The following SH2B2 variants were observed in gnomAD, a reference collection of about 807,000 sequenced individuals.
The protein encoded by SH2B2 is SH2B adapter protein 2.
In SH2B2, 37 loss-of-function variants were observed where a neutral mutation model predicts 35.7. The observed-to-expected ratio is 1.04, with a 90% CI of 0.80 to 1.36. The LOEUF is 1.36. SH2B2 is among the 40% of genes most tolerant of loss of function. The probability of loss-of-function intolerance (pLI) is 0.00; values close to 1 mark genes in which losing one functional copy is unlikely to be tolerated. For synonymous variants in SH2B2, 383 were observed against 376.4 expected, an observed-to-expected ratio of 1.02 and a Z score of -0.20; for missense variants, 852 against 817.7, an observed-to-expected ratio of 1.04 and a Z score of -0.51.
At position 102,317,178 on chromosome 7, in the gene SH2B2, C is replaced by G; in HGVS notation, c.1187-9C>G. The G allele has an allele frequency of 6.3e-7, 1 of 1,579,430 alleles. No homozygotes were observed. Among genetic ancestry groups the G allele is most frequent in the Non-Finnish European group, 8.6e-7 (1 of 1,159,456 alleles). ...CCCCATGTTCCTCACACTGTCATCCCCACCTCAGGGGAACAGGGTGCAGAG... is the reference window on the plus strand; with the variant it reads ...CCCCATGTTCCTCACACTGTCATCCGCACCTCAGGGGAACAGGGTGCAGAG... On this transcript the variant is annotated splice_polypyrimidine_tract_variant and intron_variant, in intron 6 of 8. Transcript: ENST00000444095.
At chr7:102,305,611 ACT>A (rs782134832) in intron 2 of SH2B2, among the ~76,000 whole-genome samples, 7 of 151,930 alleles carry the variant, frequency 4.6e-5, no homozygotes, top group Non-Finnish European at 1.0e-4. Flanking sequence ...AAAATATCAC[ACT>A]CTATCCCACA....
At chr7:102,315,167 C>T (rs1455159304) in intron 6 of SH2B2, among the ~76,000 whole-genome samples, 3 of 148,274 alleles carry the variant, frequency 2.0e-5, no homozygotes, top group South Asian at 2.1e-4. Context: ...CCAGCCTGGG[C>T]GACAGAGTGA....
At chr7:102,298,424 T>C (rs1554552887) in intron 1 of SH2B2, among the ~76,000 whole-genome samples, 2 of 151,702 alleles carry the variant, frequency 1.3e-5, no homozygotes, top group African/African-American at 2.4e-5. Flanking sequence ...CACATCCAGA[T>C]TGGTTGTTGT....
intron 3 of SH2B2, 68 bp from the exon 4 acceptor site, chr7:102,308,747 C>A: frequency 8.5e-7 from 1 of 1,169,878 alleles, no homozygotes; most frequent in Non-Finnish European, 1.3e-6. Context: ...CCACTCTGAC[C>A]CTATGTCCTG....
At chr7:102,289,725 G>C (rs908331176) in intron 1 of SH2B2, among the ~76,000 whole-genome samples, 5 of 152,024 alleles carry the variant, frequency 3.3e-5, no homozygotes, top group Admixed American at 2.0e-4. Flanking sequence ...GGGCACTAAG[G>C]GGGTATCCTG....
chr7:102,306,674 T>A (rs782161791), intron 2 of SH2B2, 47 bp from the exon 3 acceptor site: 2 of 1,373,110 alleles, frequency 1.5e-6, no homozygotes, highest in South Asian at 2.5e-5. Flanking sequence ...ATGGAAAGGG[T>A]GTCGGGAAAT....
At position 102,292,098 on chromosome 7, in the gene SH2B2, G is replaced by A. The variant is rs578062256; in HGVS notation, c.-30+5004G>A. Among the ~76,000 whole-genome samples the A allele has an allele frequency of 2.6e-5, 4 of 152,262 alleles. No homozygotes were observed. The South Asian group carries it at 8.3e-4, about 32-fold the overall frequency. On this transcript the variant is annotated intron_variant, in intron 1 of 8. Coordinates refer to ENST00000444095, the MANE Select transcript of SH2B2 (RefSeq NM_001359228.2). ...CAGTGGACATGAGAAGGCATGGCTG[G>A]GCAGGTTTTCTGAGGATGGTGGAGG...
intron 4 of SH2B2, chr7:102,309,603 C>T (rs1400557692): frequency 6.0e-5 from 15 of 251,956 alleles, no homozygotes; most frequent in South Asian, 1.7e-4. Flanking sequence ...TCAAGTGATC[C>T]GCCCAACTCA....
chr7:102,301,366 G>T (rs1793185066), intron 2 of SH2B2, 87 bp downstream of exon 2: 1 of 1,437,472 alleles, frequency 7.0e-7, no homozygotes. Flanking sequence ...CTGCCTTTGG[G>T]GACCGCGTGG....
At position 102,297,037 on chromosome 7, in the gene SH2B2, G is replaced by T. The variant is rs549481947; in HGVS notation, c.-29-3485G>T. Among the ~76,000 whole-genome samples the T allele has an allele frequency of 2.9e-4, 44 of 152,188 alleles. No individual in the cohort carries two copies. The highest frequency in any genetic ancestry group is 2.5e-3 in the Admixed American group (38 of 15,278). On this transcript the variant is annotated intron_variant, in intron 1 of 8. Transcript: ENST00000444095. This position sits in a 1 kb window ranked among gnomAD's most constrained non-coding sequence, Gnocchi z 4.3. ...CTTATCCACAGCTTTGCTTTCCAAG[G>T]CTTCAGATACCCGTGGTCAACAGAG... is the stretch of plus-strand genomic sequence containing the variant.
intron 1 of SH2B2, among the ~76,000 whole-genome samples, chr7:102,293,862 T>C (rs1554552181): frequency 6.6e-6 from 1 of 151,960 alleles, no homozygotes; most frequent in Non-Finnish European, 1.5e-5. Flanking sequence ...AGTCCAGATC[T>C]CCCAGAGCCC....
intron 8 of SH2B2, 122 bp downstream of exon 8, chr7:102,320,624 C>T (rs1444876715): frequency 4.0e-5 from 52 of 1,296,972 alleles, no homozygotes; most frequent in Non-Finnish European, 5.3e-5. Context: ...CAGCCGTGTC[C>T]CTCCCACCCT....
intron 6 of SH2B2, 91 bp from the exon 7 acceptor site, chr7:102,317,096 C>A (rs1354388245): frequency 3.7e-6 from 4 of 1,083,468 alleles, no homozygotes; most frequent in Admixed American, 2.8e-5. Context: ...TGTAAAAAAA[C>A]CAACAAGACG....
chr7:102,317,109 A>T, intron 6 of SH2B2, 78 bp from the exon 7 acceptor site: 1 of 1,127,798 alleles, frequency 8.9e-7, no homozygotes, highest in Non-Finnish European at 1.3e-6. Context: ...ACAAGACGTC[A>T]CCTCTCTTCT....
At chr7:102,308,488 G>A (rs1183217223) in intron 3 of SH2B2, among the ~76,000 whole-genome samples, 6 of 152,218 alleles carry the variant, frequency 3.9e-5, no homozygotes, top group African/African-American at 1.4e-4. Flanking sequence ...CATGGGTTGG[G>A]GATGCTGGGC....
chr7:102,315,007 G>A (rs929817441), intron 6 of SH2B2, among the ~76,000 whole-genome samples: 1 of 151,872 alleles, frequency 6.6e-6, no homozygotes, highest in Non-Finnish European at 1.5e-5. Flanking sequence ...TGGCTAACAT[G>A]GCAAAACCCC....
intron 2 of SH2B2, among the ~76,000 whole-genome samples, chr7:102,305,893 CTTTT>C (rs1292537190): frequency 2.4e-4 from 26 of 107,286 alleles, no homozygotes; most frequent in African/African-American, 8.4e-4. Flanking sequence ...TTTTTTTTTT[CTTTT>C]TTTTTTTTTT....
chr7:102,305,758 C>T (rs999765131), intron 2 of SH2B2, among the ~76,000 whole-genome samples: 7 of 152,002 alleles, frequency 4.6e-5, no homozygotes, highest in Admixed American at 6.6e-5. Flanking sequence ...CCACAGATCT[C>T]GTGGGTGCAT....
chr7:102,307,105 C>T (rs1793433746), intron 3 of SH2B2, among the ~76,000 whole-genome samples: 1 of 152,262 alleles, frequency 6.6e-6, no homozygotes, highest in Non-Finnish European at 1.5e-5. Flanking sequence ...AGTTTCACTT[C>T]CTGCCCTCCC....
Sources: gnomAD v4.1 joint callset for allele counts (sites outside exome capture counted in the v4.1 genomes callset) on GRCh38, gnomAD v4.1.1 for gene constraint, Gnocchi (gnomAD v3.1) non-coding constraint, MANE v1.5 for transcripts, NCBI Gene and HGNC (gene_info 2026-07-23, HGNC 2026-07-21) for gene names.